Variants in DAW1 observed in about 807,000 individuals in gnomAD.
DAW1 encodes the protein dynein assembly factor with WD repeats 1.
Under a neutral mutation model 56.5 loss-of-function variants are expected in DAW1, and 47 were observed. That is an observed-to-expected ratio of 0.83 (90% CI 0.66 to 1.06). DAW1 has a LOEUF of 1.06. Ranked by LOEUF, DAW1 falls within the 50% of genes least tolerant of loss-of-function variation. The probability of loss-of-function intolerance (pLI) is 0.00; values close to 1 mark genes in which losing one functional copy is unlikely to be tolerated. For synonymous variants in DAW1, 190 were observed against 179.0 expected (o/e 1.06, Z -0.49); for missense variants, 505 against 499.3 (o/e 1.01, Z -0.11).
At position 227,924,032 on chromosome 2, in the gene DAW1, G is replaced by A; in HGVS notation, c.*64G>A. 1 of 1,568,002 alleles carries A rather than the reference G, an allele frequency of 6.4e-7. No individual in the cohort carries two copies. The highest frequency in any genetic ancestry group is 8.8e-7 in the Non-Finnish European group (1 of 1,140,638). ...GGTAATCAAGAACTGGAACTTCACA[G>A]ACAGCAGCTCTCTTAATATTTCTTA... On this transcript the variant is annotated 3_prime_UTR_variant, in exon 13 of 13. Transcript: ENST00000309931.
At chr2:227,885,470 T>C (rs751530746) in intron 2 of DAW1, 47 bp downstream of exon 2, 6 of 1,452,420 alleles carry the variant, frequency 4.1e-6, no homozygotes, top group African/African-American at 1.4e-5. Flanking sequence ...CTGGGAAGCC[T>C]TGACACAGAG....
chr2:227,878,792 TTTTAAA>T (rs1690944576), intron 1 of DAW1, among the ~76,000 whole-genome samples: 1 of 149,084 alleles, frequency 6.7e-6, no homozygotes. Context: ...TTCTCTTACT[TTTTAAA>T]TTTAAATTTA....
intron 6 of DAW1, among the ~76,000 whole-genome samples, chr2:227,899,727 G>A (rs368818017): frequency 1.4e-4 from 22 of 152,158 alleles, no homozygotes; most frequent in African/African-American, 5.1e-4. Flanking sequence ...CCACAGTGGC[G>A]ACAGCTTTTG....
chr2:227,878,963 T>A (rs1220819274), intron 1 of DAW1, among the ~76,000 whole-genome samples: 2 of 152,030 alleles, frequency 1.3e-5, no homozygotes, highest in Admixed American at 1.3e-4. Context: ...TTTTTTCTAT[T>A]TTTAGTAGAG....
intron 1 of DAW1, among the ~76,000 whole-genome samples, chr2:227,873,114 C>T (rs900619706): frequency 7.2e-5 from 11 of 152,204 alleles, no homozygotes; most frequent in Admixed American, 7.2e-4. Flanking sequence ...GGGCCTTTCA[C>T]TCATTCGTTT....
intron 1 of DAW1, among the ~76,000 whole-genome samples, chr2:227,874,113 G>T (rs1443905795): frequency 6.6e-6 from 1 of 152,130 alleles, no homozygotes; most frequent in Non-Finnish European, 1.5e-5. Flanking sequence ...GGCCTGTGCT[G>T]GTTCCCATAG....
intron 10 of DAW1, among the ~76,000 whole-genome samples, chr2:227,909,256 C>CTATG (rs1488433644): frequency 1.4e-5 from 2 of 143,916 alleles, no homozygotes; most frequent in East Asian, 4.0e-4. Context: ...ATCTATCTAT[C>CTATG]TATCTATCTA....
At chr2:227,899,068 G>A (rs1207842286) in intron 6 of DAW1, among the ~76,000 whole-genome samples, 2 of 152,130 alleles carry the variant, frequency 1.3e-5, no homozygotes, top group Non-Finnish European at 2.9e-5. Flanking sequence ...CCTTGTCCTT[G>A]ACCAATTCTG....
chr2:227,915,066 T>G (rs1691919690), intron 10 of DAW1, among the ~76,000 whole-genome samples: 1 of 152,192 alleles, frequency 6.6e-6, no homozygotes, highest in Middle Eastern at 3.4e-3. Flanking sequence ...AATGTCTGCA[T>G]CATACCCTTG....
intron 10 of DAW1, among the ~76,000 whole-genome samples, chr2:227,916,020 C>T (rs1032064201): frequency 6.6e-6 from 1 of 152,070 alleles, no homozygotes; most frequent in African/African-American, 2.4e-5. Context: ...TTTTATCAGT[C>T]ACATATTTCT....
At chr2:227,876,211 G>A (rs4972994) in intron 1 of DAW1, among the ~76,000 whole-genome samples, 76,523 of 151,870 alleles carry the variant, frequency 0.5, 19,558 homozygotes, top group Admixed American at 0.58. Context: ...TAGTAGAGAC[G>A]GGGTTTCACC....
chr2:227,889,918 G>A lies in DAW1; in HGVS notation c.176G>A (p.Arg59Gln), dbSNP rs549809115. Residue 59 changes from arginine to glutamine, a missense_variant, in exon 3 of 13, where the codon CGA becomes CAA. Physicochemically the swap from Arg to Gln is conservative, Grantham distance 43. Transcript: ENST00000309931. Reference sequence around the variant, plus strand: ...GCAGAACCTCTACTCACAGCTTCACGAACAGAGCAAGTCAAACTTTTGATA... The same window carrying A: ...GCAGAACCTCTACTCACAGCTTCACAAACAGAGCAAGTCAAACTTTTGATA... ...QKAEPLLTAS[R>Q]TEQVKLLIQR... 11 of 1,610,596 alleles carry A rather than the reference G, an allele frequency of 6.8e-6. No homozygotes were observed. Among genetic ancestry groups the A allele is most frequent in the African/African-American group, 1.3e-5 (1 of 74,672 alleles).
At chr2:227,878,856 C>G (rs529469466) in intron 1 of DAW1, among the ~76,000 whole-genome samples, 13 of 145,282 alleles carry the variant, frequency 8.9e-5, no homozygotes, top group Non-Finnish European at 1.6e-4. Flanking sequence ...GGCACAATCT[C>G]AACTCATTGC....
At chr2:227,876,338 C>A in intron 1 of DAW1, 1 of 971,230 alleles carries the variant, frequency 1.0e-6, no homozygotes. Flanking sequence ...GATTCTTAGG[C>A]TCACGTAATT....
intron 1 of DAW1, among the ~76,000 whole-genome samples, chr2:227,874,987 CAGAA>C (rs372621863): frequency 0.044 from 3,808 of 86,788 alleles, 162 homozygotes; most frequent in African/African-American, 0.13. Flanking sequence ...AACAAACAAA[CAGAA>C]AAACAAAAAA....
In DAW1 at chr2:227,903,084, A is replaced by G. The variant is rs1222251405; in HGVS notation, c.623A>G (p.Asn208Ser). ...ACAGCCAAATTGTGGGACATTCAGA[A>G]TGGCGAGGAAGTTTACACCTTAAGA... ...DTTAKLWDIQ[N>S]GEEVYTLRGH... is the part of the protein sequence containing the mutation. Residue 208 changes from asparagine to serine, a missense_variant, in exon 7 of 13, where the codon AAT becomes AGT. Transcript: ENST00000309931. The G allele has an allele frequency of 1.9e-6, 3 of 1,614,198 alleles. No individual in the cohort carries two copies. The highest frequency in any genetic ancestry group is 2.2e-5 in the South Asian group (2 of 91,082).
In DAW1 at chr2:227,889,910, A is replaced by C; in HGVS notation, c.168A>C (p.Thr56=). 1.9e-6 allele frequency: 3 copies of C among 1,611,166 alleles called. No individual in the cohort carries two copies. ...EEIQKAEPLL[T]ASRTEQVKLL... Reference sequence around the variant, plus strand: ...TCCAGAAGGCAGAACCTCTACTCACAGCTTCACGAACAGAGCAAGTCAAAC... The same window carrying C: ...TCCAGAAGGCAGAACCTCTACTCACCGCTTCACGAACAGAGCAAGTCAAAC... The change falls in exon 3 of 13, where the codon ACA becomes ACC. Residue 56 remains threonine (T), a synonymous_variant. Transcript: ENST00000309931.
intron 2 of DAW1, chr2:227,889,633 A>G (rs16824126): frequency 0.095 from 34,730 of 364,864 alleles, 2,908 homozygotes; most frequent in African/African-American, 0.29. Context: ...TTGGAAAAAT[A>G]TGTTGTAGAA....
chr2:227,888,833 A>G lies in DAW1; in HGVS notation c.114-1023A>G, dbSNP rs1172967276. On this transcript the variant is annotated intron_variant, in intron 2 of 12. Coordinates refer to ENST00000309931, the MANE Select transcript of DAW1 (RefSeq NM_178821.3). ...GCCAGCAACATTTTTCAGAATTTCT[A>G]TGAATTATTTGAATGCTAGAGAAAA... Among the ~76,000 whole-genome samples, 8 of 152,190 alleles carry G rather than the reference A, an allele frequency of 5.3e-5. No individual in the cohort carries two copies. The South Asian group carries it at 6.2e-4, about 12-fold the overall frequency.
Sources: allele counts gnomAD v4.1 joint callset (sites outside exome capture counted in the v4.1 genomes callset), GRCh38; gene constraint gnomAD v4.1.1; transcripts MANE v1.5; gene names NCBI Gene and HGNC (gene_info 2026-07-23, HGNC 2026-07-21).